WNK3: variants seen among roughly 807,000 people sequenced by gnomAD.
The protein encoded by WNK3 is WNK lysine deficient protein kinase 3.
Under a neutral mutation model 116.7 loss-of-function variants are expected in WNK3, and 18 were observed. The ratio of observed to expected loss-of-function variants is 0.15; its 90% CI spans 0.11 to 0.23. The LOEUF is 0.23. Among genes scored for constraint, WNK3 ranks in the 10% least tolerant of loss-of-function variants. The probability of loss-of-function intolerance (pLI) is 1.00; values close to 1 mark genes in which losing one functional copy is unlikely to be tolerated. For missense variants in WNK3, 993 were observed against 1,323.8 expected, an observed-to-expected ratio of 0.75 and a Z score of 3.88; for synonymous variants, 404 against 469.4, an observed-to-expected ratio of 0.86 and a Z score of 1.80.
exon 24 of WNK3, chrX:54,193,916 AG>A (rs2067421898): frequency 2.7e-5 from 3 of 111,389 alleles, no homozygotes; most frequent in African/African-American, 9.8e-5. Flanking sequence ...GATAAACTAC[AG>A]ATTCAAAAAA....
chrX:54,218,894 T>G (rs1226434359), intron 22 of WNK3, among the ~76,000 whole-genome samples: 2 of 109,593 alleles, frequency 1.8e-5, no homozygotes, highest in African/African-American at 3.3e-5. Flanking sequence ...ATAAATAAAT[T>G]CACAAAATGA....
intron 2 of WNK3, among the ~76,000 whole-genome samples, chrX:54,320,412 A>T (rs1319286257): frequency 8.9e-6 from 1 of 112,757 alleles, no homozygotes; most frequent in Non-Finnish European, 1.9e-5. Context: ...AGGAGAAATC[A>T]TTAACAATGA....
chrX:54,283,031 C>T (rs192045625), intron 10 of WNK3, among the ~76,000 whole-genome samples: 4 of 112,184 alleles, frequency 3.6e-5, no homozygotes, highest in African/African-American at 1.3e-4. Context: ...GGTGAAAAGA[C>T]AACACACAGA....
chrX:54,270,999 G>A (rs1380028255), intron 10 of WNK3, among the ~76,000 whole-genome samples: 2 of 111,515 alleles, frequency 1.8e-5, no homozygotes, highest in Non-Finnish European at 3.8e-5. Context: ...GGCTGGTCTT[G>A]AACTCCTGAC....
intron 2 of WNK3, among the ~76,000 whole-genome samples, chrX:54,320,576 G>A (rs911880887): frequency 3.6e-5 from 4 of 111,619 alleles, no homozygotes; most frequent in Non-Finnish European, 7.5e-5. Flanking sequence ...AGGCTGGAGT[G>A]CAGTGGCACG....
intron 2 of WNK3, among the ~76,000 whole-genome samples, chrX:54,316,833 C>T (rs1160678471): frequency 5.4e-5 from 6 of 111,451 alleles, no homozygotes; most frequent in Non-Finnish European, 5.6e-5. Flanking sequence ...AAACCTTGTA[C>T]ATTGCTGGGG....
At chrX:54,297,174 T>C (rs1349932554) in intron 7 of WNK3, among the ~76,000 whole-genome samples, 1 of 111,677 alleles carries the variant, frequency 9.0e-6, no homozygotes, top group Non-Finnish European at 1.9e-5. Context: ...GTACCAATAC[T>C]GCCCCTTCCC....
In WNK3 at chrX:54,196,006, G is replaced by A. The variant is rs782717923; in HGVS notation, c.*2318C>T. On this transcript the variant is annotated 3_prime_UTR_variant, in exon 24 of 24. Coordinates refer to ENST00000354646, the Ensembl canonical transcript of WNK3. ...GTTTAAAATGATTGTGACTAGAGAA[G>A]AAGGGGTCCTAAAATCTGCAGTATT... is the stretch of plus-strand genomic sequence containing the variant. 4 of 111,150 alleles carry A rather than the reference G, an allele frequency of 3.6e-5. No homozygotes were observed. The South Asian group carries it at 1.5e-3, about 43-fold the overall frequency. The allele number at this position is 111,150 out of a possible 1,213,427, so 9.2% of individuals were successfully genotyped here.
At chrX:54,291,381 G>C (rs2068638623) in intron 10 of WNK3, among the ~76,000 whole-genome samples, 1 of 112,132 alleles carries the variant, frequency 8.9e-6, no homozygotes. Context: ...TCTAGCTGGA[G>C]AAATAACAAG....
At chrX:54,347,471 G>A (rs2069448107) in intron 1 of WNK3, among the ~76,000 whole-genome samples, 1 of 110,182 alleles carries the variant, frequency 9.1e-6, no homozygotes, top group Admixed American at 9.9e-5. Flanking sequence ...GGGCAACAGA[G>A]CGAGACTCCA....
intron 19 of WNK3, 82 bp downstream of exon 19, chrX:54,238,260 T>C: frequency 9.6e-7 from 1 of 1,045,650 alleles, no homozygotes; most frequent in Non-Finnish European, 1.3e-6. Context: ...AAAATGGAAG[T>C]ATCATCTACA....
chrX:54,320,332 A>G (rs1175527249), intron 2 of WNK3, among the ~76,000 whole-genome samples: 1 of 111,828 alleles, frequency 8.9e-6, no homozygotes, highest in East Asian at 2.8e-4. Flanking sequence ...TATATATCTT[A>G]ATGCAAACAC....
chrX:54,245,466 A>C (rs782585533), intron 17 of WNK3, among the ~76,000 whole-genome samples: 2 of 109,902 alleles, frequency 1.8e-5, no homozygotes, highest in African/African-American at 6.6e-5. Flanking sequence ...CAGCCTGGGT[A>C]ATGGAGTGAG....
intron 10 of WNK3, among the ~76,000 whole-genome samples, chrX:54,262,325 C>T (rs185472667): frequency 2.7e-5 from 3 of 111,694 alleles, no homozygotes; most frequent in African/African-American, 9.7e-5. Context: ...CTCCCCTATT[C>T]CTGGATAACT....
intron 10 of WNK3, among the ~76,000 whole-genome samples, chrX:54,261,010 G>A (rs2068250220): frequency 1.8e-5 from 2 of 109,520 alleles, no homozygotes; most frequent in East Asian, 2.9e-4. Context: ...GATTACAGCC[G>A]TGAGCCACCA....
intron 22 of WNK3, among the ~76,000 whole-genome samples, chrX:54,215,465 G>A (rs2067678158): frequency 8.9e-6 from 1 of 112,916 alleles, no homozygotes; most frequent in Non-Finnish European, 1.9e-5. Flanking sequence ...TGCCGGGATT[G>A]CAGACGGAGT....
intron 12 of WNK3, 21 bp from the exon 13 acceptor site, chrX:54,254,096 G>A (rs375396207): frequency 3.3e-5 from 35 of 1,068,336 alleles, no homozygotes; most frequent in Non-Finnish European, 4.0e-5. Context: ...ACATTTTACC[G>A]GTTTAAGAGT....
chrX:54,205,314 GA>G (rs782680485), intron 22 of WNK3, among the ~76,000 whole-genome samples: 1 of 110,237 alleles, frequency 9.1e-6, no homozygotes, highest in East Asian at 2.8e-4. Context: ...GTGGGAGGGA[GA>G]AAAAGAAGAG....
chrX:54,212,313 A>T (rs1020046215), intron 22 of WNK3, among the ~76,000 whole-genome samples: 73 of 108,086 alleles, frequency 6.8e-4, no homozygotes, highest in African/African-American at 2.2e-3. Context: ...ATGCAAAGGT[A>T]AAAAAAAAAA....
Sources: allele counts gnomAD v4.1 joint callset (sites outside exome capture counted in the v4.1 genomes callset), GRCh38; gene constraint gnomAD v4.1.1; transcripts MANE v1.5; gene names NCBI Gene and HGNC (gene_info 2026-07-23, HGNC 2026-07-21).